The following DERA variants were observed in gnomAD, a reference collection of about 807,000 sequenced individuals.
DERA encodes the protein 2-deoxy-D-ribose 5-phosphate aldolase.
A neutral mutation model predicts 41.1 loss-of-function variants in DERA; 15 were observed. The ratio of observed to expected loss-of-function variants is 0.37; its 90% CI spans 0.24 to 0.56. The LOEUF (loss-of-function observed/expected upper bound fraction) is 0.56, where lower values mean the gene tolerates loss of function less well. DERA is among the 20% of genes least tolerant of loss of function. The pLI is 0.81. For synonymous variants in DERA, 139 were observed against 137.4 expected, an observed-to-expected ratio of 1.01 and a Z score of -0.08; for missense variants, 396 against 403.4, an observed-to-expected ratio of 0.98 and a Z score of 0.16.
chr12:15,979,978 AT>A (rs2136160764), intron 5 of DERA, among the ~76,000 whole-genome samples: 1 of 152,352 alleles, frequency 6.6e-6, no homozygotes, highest in Non-Finnish European at 1.5e-5. Flanking sequence ...AACTGCTGTA[AT>A]AAAATACTTT....
chr12:15,999,587 C>T lies in DERA; in HGVS notation c.637+17151C>T, dbSNP rs1948861230. ...GCTCTCATAGAGAGATGTGAAAGAA[C>T]ATGTCATGGTGAGAAAGCTGGTCTG... On this transcript the variant is annotated intron_variant, in intron 6 of 8. Coordinates refer to ENST00000428559, the MANE Select transcript of DERA (RefSeq NM_015954.4). The surrounding 1 kb of genome is among the most constrained non-coding windows in gnomAD (Gnocchi z 5.3). Among the ~76,000 whole-genome samples, 1 of 152,096 alleles carries T rather than the reference C, an allele frequency of 6.6e-6. No homozygotes were observed. The highest frequency in any genetic ancestry group is 2.4e-5 in the African/African-American group (1 of 41,402).
chr12:15,979,852 A>G (rs1948721738), intron 5 of DERA, among the ~76,000 whole-genome samples: 1 of 152,220 alleles, frequency 6.6e-6, no homozygotes, highest in Non-Finnish European at 1.5e-5. Context: ...ACTTCAAGAA[A>G]TTCACTTGGC....
rs765471015 is a variant in DERA, at chr12:15,931,774, GGTGA to G, written c.31+20367_31+20370del. 2.0e-4 allele frequency among the ~76,000 whole-genome samples: 30 copies of G among 152,092 alleles called. No homozygotes were observed. The highest frequency in any genetic ancestry group is 3.8e-4 in the Non-Finnish European group (26 of 68,030). The stretch of plus-strand genomic sequence containing the variant: ...TTATGCTCTCTCTGGGGAGGGAGTG[GGTGA>G]GTGAGTTCTTGCTCTCTTGGGAATA... On this transcript the variant is annotated intron_variant, in intron 1 of 8. Transcript: ENST00000428559. The surrounding 1 kb of genome is among the most constrained non-coding windows in gnomAD (Gnocchi z 4.6).
Position 16,011,601 on chromosome 12 carries a change from T to C in DERA, c.638-20941T>C, listed in dbSNP as rs1180677976. On this transcript the variant is annotated intron_variant, in intron 6 of 8. Coordinates refer to ENST00000428559, the MANE Select transcript of DERA (RefSeq NM_015954.4). This position sits in a 1 kb window ranked among gnomAD's most constrained non-coding sequence, Gnocchi z 4.7. The stretch of plus-strand genomic sequence containing the variant: ...GTAAAAGAAAAGAGAATGTGTTAGA[T>C]ACGATTTTGTCATTTTAACATGAGA... Among the ~76,000 whole-genome samples the C allele has an allele frequency of 6.6e-6, 1 of 152,188 alleles. No individual in the cohort carries two copies. The highest frequency in any genetic ancestry group is 1.5e-5 in the Non-Finnish European group (1 of 68,030).
At chr12:15,997,568 T>G (rs753064527) in intron 6 of DERA, among the ~76,000 whole-genome samples, 28 of 152,318 alleles carry the variant, frequency 1.8e-4, no homozygotes, top group Non-Finnish European at 3.1e-4. Flanking sequence ...GTCATGACTT[T>G]AACGGAATCG....
Position 15,915,326 on chromosome 12 carries a change from AT to A in DERA, c.31+3915del, listed in dbSNP as rs1353579362. The stretch of plus-strand genomic sequence containing the variant: ...TTTTAAAAGAACCTATGAATTAGGG[AT>A]TTAGGGAGCTCATTTTTGGCATTCC... On this transcript the variant is annotated intron_variant, in intron 1 of 8. Transcript: ENST00000428559. The surrounding 1 kb of genome is among the most constrained non-coding windows in gnomAD (Gnocchi z 4.8). Among the ~76,000 whole-genome samples, 5 of 152,146 alleles carry A rather than the reference AT, an allele frequency of 3.3e-5. No individual in the cohort carries two copies. Among genetic ancestry groups the A allele is most frequent in the African/African-American group, 1.2e-4 (5 of 41,434 alleles).
At position 15,965,098 on chromosome 12, in the gene DERA, C is replaced by A. The variant is rs1250262376; in HGVS notation, c.508+2151C>A. Among the ~76,000 whole-genome samples the A allele has an allele frequency of 6.6e-6, 1 of 152,104 alleles. No homozygotes were observed. Among genetic ancestry groups the A allele is most frequent in the Non-Finnish European group, 1.5e-5 (1 of 68,018 alleles). On this transcript the variant is annotated intron_variant, in intron 5 of 8. Coordinates refer to ENST00000428559, the MANE Select transcript of DERA (RefSeq NM_015954.4). The surrounding 1 kb of genome is among the most constrained non-coding windows in gnomAD (Gnocchi z 4.1). Reference sequence around the variant, plus strand: ...GCAATATTTTGTCTTAATTTTGATTCTCAATTTGATTACATATTGTATTTT... The same window carrying A: ...GCAATATTTTGTCTTAATTTTGATTATCAATTTGATTACATATTGTATTTT...
Position 15,984,115 on chromosome 12 carries a change from C to T in DERA, c.637+1679C>T, listed in dbSNP as rs1948749442. On this transcript the variant is annotated intron_variant, in intron 6 of 8. Transcript: ENST00000428559. The surrounding 1 kb of genome is among the most constrained non-coding windows in gnomAD (Gnocchi z 4.5). ...TAACAGCAGCCACTTATAGGACATA[C>T]TTTGTGGTAGCCACGCTGTTGGTTG... is the stretch of plus-strand genomic sequence containing the variant. 6.6e-6 allele frequency among the ~76,000 whole-genome samples: 1 copy of T among 152,168 alleles called. No individual in the cohort carries two copies. The highest frequency in any genetic ancestry group is 2.1e-4 in the South Asian group (1 of 4,818).
rs547679443 is a variant in DERA at position 15,951,644 on chromosome 12, A to G, written c.32-5292A>G. Among the ~76,000 whole-genome samples the G allele has an allele frequency of 2.6e-5, 4 of 152,362 alleles. 1 individual carries two copies. Among genetic ancestry groups the G allele is most frequent in the African/African-American group, 9.6e-5 (4 of 41,590 alleles). On this transcript the variant is annotated intron_variant, in intron 1 of 8. Transcript: ENST00000428559. Reference sequence around the variant, plus strand: ...AAGATAATGCATGCTCTTTGTAAGAATGTTTAAATATTAGGGGAATATATA... The same window carrying G: ...AAGATAATGCATGCTCTTTGTAAGAGTGTTTAAATATTAGGGGAATATATA...
Position 16,000,869 on chromosome 12 carries a change from T to C in DERA, c.637+18433T>C, listed in dbSNP as rs1042892741. ...GATGTTGAGTTTTTTTTTACTAGGA[T>C]TGTAGAGTAGATAACTTAGACAATT... On this transcript the variant is annotated intron_variant, in intron 6 of 8. Transcript: ENST00000428559. The surrounding 1 kb of genome is among the most constrained non-coding windows in gnomAD (Gnocchi z 4.8). 1.3e-4 allele frequency among the ~76,000 whole-genome samples: 20 copies of C among 152,214 alleles called. No homozygotes were observed. The highest frequency in any genetic ancestry group is 4.8e-4 in the African/African-American group (20 of 41,458).
chr12:15,920,961 C>T (rs1251707498), intron 1 of DERA, among the ~76,000 whole-genome samples: 1 of 152,192 alleles, frequency 6.6e-6, no homozygotes, highest in Admixed American at 6.5e-5. Flanking sequence ...CAGAACCATG[C>T]AGTAAGCTGT....
At chr12:16,032,492 TAAAA>T in intron 6 of DERA, 46 bp from the exon 7 acceptor site, 1 of 1,091,536 alleles carries the variant, frequency 9.2e-7, no homozygotes, top group East Asian at 2.9e-5. Flanking sequence ...CTCAAAAGTG[TAAAA>T]AAAGAATCTT....
intron 1 of DERA, among the ~76,000 whole-genome samples, chr12:15,932,540 C>T (rs895119227): frequency 1.3e-5 from 2 of 151,832 alleles, no homozygotes; most frequent in African/African-American, 2.4e-5. Flanking sequence ...GTCCCAGCTA[C>T]TTGAGGTGGG....
chr12:16,011,386 G>A lies in DERA; in HGVS notation c.638-21156G>A, dbSNP rs1443036561. On this transcript the variant is annotated intron_variant, in intron 6 of 8. Transcript: ENST00000428559. The surrounding 1 kb of genome is among the most constrained non-coding windows in gnomAD (Gnocchi z 4.7). ...TTCAGATTTCGGAATATTTGCATAT[G>A]CTTACCCTAACCTGGTTGAGCATCC... is the stretch of plus-strand genomic sequence containing the variant. Among the ~76,000 whole-genome samples, 3 of 152,128 alleles carry A rather than the reference G, an allele frequency of 2.0e-5. No homozygotes were observed. Among genetic ancestry groups the A allele is most frequent in the Non-Finnish European group, 4.4e-5 (3 of 68,026 alleles).
At chr12:16,015,348 G>T (rs1481818643) in intron 6 of DERA, among the ~76,000 whole-genome samples, 1 of 152,100 alleles carries the variant, frequency 6.6e-6, no homozygotes, top group African/African-American at 2.4e-5. Flanking sequence ...TGAATAATGG[G>T]GGTGGTTTCA....
intron 6 of DERA, among the ~76,000 whole-genome samples, chr12:15,987,129 A>G (rs1286772657): frequency 6.7e-6 from 1 of 149,822 alleles, no homozygotes; most frequent in South Asian, 2.1e-4. Flanking sequence ...CGACCTAAGT[A>G]TGGTTTTCTT....
intron 6 of DERA, among the ~76,000 whole-genome samples, chr12:15,987,203 G>A (rs547635248): frequency 1.3e-5 from 2 of 149,094 alleles, no homozygotes; most frequent in South Asian, 4.3e-4. Context: ...TAACAGTTTA[G>A]GACGTTTTCA....
In DERA at chr12:16,026,386, T is replaced by A. The variant is rs10744101; in HGVS notation, c.638-6156T>A. On this transcript the variant is annotated intron_variant, in intron 6 of 8. Coordinates refer to ENST00000428559, the MANE Select transcript of DERA (RefSeq NM_015954.4). This position sits in a 1 kb window ranked among gnomAD's most constrained non-coding sequence, Gnocchi z 4.4. ...CTCTTCCCATGGATATTAAAAGGAT[T>A]ATAAAGGAATGTGTGAACAGCTCTA... 0.88 allele frequency among the ~76,000 whole-genome samples: 134,117 copies of A among 151,708 alleles called. 59,608 individuals are homozygous for A. The highest frequency in any genetic ancestry group is 0.92 in the Non-Finnish European group (62,340 of 67,816).
rs1182757249 is a variant in DERA at position 15,995,343 on chromosome 12, T to G, written c.637+12907T>G. Among the ~76,000 whole-genome samples, 2 of 152,206 alleles carry G rather than the reference T, an allele frequency of 1.3e-5. No homozygotes were observed. Among genetic ancestry groups the G allele is most frequent in the Non-Finnish European group, 2.9e-5 (2 of 68,032 alleles). ...CAGCAAGCCCGGGGCCACCTGCCTA[T>G]GATTGGCCCACAGTAACTCCTTGTT... On this transcript the variant is annotated intron_variant, in intron 6 of 8. Coordinates refer to ENST00000428559, the MANE Select transcript of DERA (RefSeq NM_015954.4). The surrounding 1 kb of genome is among the most constrained non-coding windows in gnomAD (Gnocchi z 5.1).
Sources: gnomAD v4.1 joint callset for allele counts (sites outside exome capture counted in the v4.1 genomes callset) on GRCh38, gnomAD v4.1.1 for gene constraint, Gnocchi (gnomAD v3.1) non-coding constraint, MANE v1.5 for transcripts, NCBI Gene and HGNC (gene_info 2026-07-23, HGNC 2026-07-21) for gene names.